Variants in IL1RAPL1 observed in about 807,000 individuals in gnomAD.
IL1RAPL1 encodes interleukin 1 receptor accessory protein like 1, also known as interleukin-1 receptor accessory protein-like 1.
IL1RAPL1 carries 3 observed loss-of-function variants against 48.4 expected under a neutral mutation model. That is an observed-to-expected ratio of 0.06 (90% CI 0.03 to 0.16). IL1RAPL1 has a LOEUF of 0.16. IL1RAPL1 is among the 10% of genes least tolerant of loss of function. The probability of loss-of-function intolerance (pLI) is 1.00; values close to 1 mark genes in which losing one functional copy is unlikely to be tolerated. For synonymous variants in IL1RAPL1, 185 were observed against 187.7 expected (o/e 0.99, Z 0.12); for missense variants, 349 against 530.6 (o/e 0.66, Z 3.36).
At chrX:29,252,173 A>T (rs1317039949) in intron 2 of IL1RAPL1, among the ~76,000 whole-genome samples, 1 of 112,659 alleles carries the variant, frequency 8.9e-6, no homozygotes, top group Non-Finnish European at 1.9e-5. Context: ...CTAGATGACG[A>T]GTTAGTGGGT....
intron 3 of IL1RAPL1, among the ~76,000 whole-genome samples, chrX:29,394,721 A>G (rs1222743140): frequency 8.9e-6 from 1 of 111,734 alleles, no homozygotes; most frequent in African/African-American, 3.3e-5. Context: ...GCCTTATTCT[A>G]GCAAAATTCC....
At chrX:29,128,327 G>A (rs1449240952) in intron 2 of IL1RAPL1, among the ~76,000 whole-genome samples, 1 of 110,752 alleles carries the variant, frequency 9.0e-6, no homozygotes, top group East Asian at 2.8e-4. Context: ...TCCTTTCCCA[G>A]CCTCACTTCT....
At chrX:29,883,968 A>G (rs67997275) in intron 6 of IL1RAPL1, among the ~76,000 whole-genome samples, 9,843 of 111,824 alleles carry the variant, frequency 0.088, 736 homozygotes, top group East Asian at 0.39. Flanking sequence ...AAGATGGCTC[A>G]CAGGGTTGAG....
rs1430746628 is a variant in IL1RAPL1 at position 29,859,566 on chromosome X, A to G, written c.779-57898A>G. On this transcript the variant is annotated intron_variant, in intron 6 of 10. Coordinates refer to ENST00000378993, the MANE Select transcript of IL1RAPL1 (RefSeq NM_014271.4). ...AGAAACTGATGCTGTGATAGCATGA[A>G]TTATTTTCATACACCTTTGTATGTA... is the stretch of plus-strand genomic sequence containing the variant. Among the ~76,000 whole-genome samples the G allele has an allele frequency of 5.9e-4, 66 of 112,241 alleles. No homozygotes were observed. In the Admixed American group the frequency reaches 6.2e-3, roughly 11 times the overall value.
In IL1RAPL1 at chrX:28,710,317, TAAAAA is replaced by T. The variant is rs1031743983; in HGVS notation, c.-24-79002_-24-78998del. 3.9e-5 allele frequency among the ~76,000 whole-genome samples: 3 copies of T among 76,617 alleles called. No homozygotes were observed. In the Admixed American group the frequency reaches 5.3e-4, roughly 14 times the overall value. The allele number at this position is 76,617 out of a possible 115,157, so 66.5% of individuals were successfully genotyped here. On this transcript the variant is annotated intron_variant, in intron 1 of 10. Transcript: ENST00000378993. Reference sequence around the variant, plus strand: ...AGAAGTATATCAGTGCATGAAAAAATAAAAAGAAAAGGAGATCAGGTAAATAGGAT... The same window carrying T: ...AGAAGTATATCAGTGCATGAAAAAATGAAAAGGAGATCAGGTAAATAGGAT...
At chrX:29,054,008 T>G (rs1927156496) in intron 2 of IL1RAPL1, among the ~76,000 whole-genome samples, 1 of 111,639 alleles carries the variant, frequency 9.0e-6, no homozygotes, top group South Asian at 3.8e-4. Flanking sequence ...TAAGGCTGGA[T>G]AGTAGTAGTT....
intron 6 of IL1RAPL1, among the ~76,000 whole-genome samples, chrX:29,787,949 A>G (rs1302080596): frequency 1.8e-5 from 2 of 112,105 alleles, no homozygotes; most frequent in Non-Finnish European, 3.8e-5. Flanking sequence ...CTATTGTCAA[A>G]GCACTGATTT....
At chrX:29,758,851 G>A (rs1928685236) in intron 6 of IL1RAPL1, among the ~76,000 whole-genome samples, 1 of 111,391 alleles carries the variant, frequency 9.0e-6, no homozygotes, top group South Asian at 3.7e-4. Context: ...TTGTTCTGAA[G>A]TAGTTACTGT....
At chrX:29,252,141 G>C (rs1386011079) in intron 2 of IL1RAPL1, among the ~76,000 whole-genome samples, 2 of 112,670 alleles carry the variant, frequency 1.8e-5, no homozygotes, top group African/African-American at 6.6e-5. Context: ...GGGAGGGATA[G>C]CTTTAGGAGA....
chrX:29,060,115 A>G (rs749859149), intron 2 of IL1RAPL1, among the ~76,000 whole-genome samples: 1 of 112,160 alleles, frequency 8.9e-6, no homozygotes, highest in South Asian at 3.7e-4. Flanking sequence ...AAATTAATGT[A>G]ATTATAGACT....
chrX:29,875,243 A>G (rs1931879014), intron 6 of IL1RAPL1, among the ~76,000 whole-genome samples: 1 of 111,693 alleles, frequency 9.0e-6, no homozygotes, highest in South Asian at 3.7e-4. Context: ...TTTCATAATG[A>G]TAACATATTT....
intron 6 of IL1RAPL1, among the ~76,000 whole-genome samples, chrX:29,770,729 G>C (rs915423265): frequency 1.8e-5 from 2 of 112,124 alleles, no homozygotes; most frequent in African/African-American, 6.5e-5. Flanking sequence ...TATCCTACTA[G>C]CAACTTTAAA....
chrX:29,803,252 T>TACACACATGTATATATGTATACATAC (rs1930105383), intron 6 of IL1RAPL1, among the ~76,000 whole-genome samples: 1 of 36,107 alleles, frequency 2.8e-5, no homozygotes, highest in Admixed American at 2.4e-4. Flanking sequence ...TGTATACATA[T>TACACACATGTATATATGTATACATAC]ACACACATGT....
intron 5 of IL1RAPL1, among the ~76,000 whole-genome samples, chrX:29,406,911 G>A (rs1444730023): frequency 9.0e-6 from 1 of 111,728 alleles, no homozygotes; most frequent in Non-Finnish European, 1.9e-5. Flanking sequence ...TTTGTTGGAA[G>A]ATATGTCTGT....
chrX:28,717,549 T>C (rs1379170492), intron 1 of IL1RAPL1, among the ~76,000 whole-genome samples: 1 of 111,077 alleles, frequency 9.0e-6, no homozygotes, highest in Non-Finnish European at 1.9e-5. Flanking sequence ...TAATGGATAC[T>C]AGGCTTAATA....
In IL1RAPL1 at chrX:29,662,600, A is replaced by G. The variant is rs192467889; in HGVS notation, c.704-5830A>G. Among the ~76,000 whole-genome samples the G allele has an allele frequency of 2.7e-5, 3 of 112,317 alleles. No homozygotes were observed. The East Asian group carries it at 8.4e-4, about 31-fold the overall frequency. On this transcript the variant is annotated intron_variant, in intron 5 of 10. Transcript: ENST00000378993. ...ATATTTTTTGAATGAATAAATGAAT[A>G]TTTTTATAGTTTAATTACAAACCAC...
At chrX:28,807,422 A>G (rs1218692918) in intron 2 of IL1RAPL1, among the ~76,000 whole-genome samples, 1 of 111,813 alleles carries the variant, frequency 8.9e-6, no homozygotes, top group Non-Finnish European at 1.9e-5. Context: ...TCTTATGATC[A>G]CCACCTGAGT....
chrX:29,901,462 C>T (rs973633211), intron 6 of IL1RAPL1, among the ~76,000 whole-genome samples: 2 of 111,698 alleles, frequency 1.8e-5, no homozygotes, highest in Non-Finnish European at 3.8e-5. Context: ...TTGAACAGAC[C>T]CCTAGTGGTC....
intron 5 of IL1RAPL1, among the ~76,000 whole-genome samples, chrX:29,453,823 A>G (rs191742810): frequency 5.9e-4 from 66 of 112,295 alleles, no homozygotes; most frequent in Middle Eastern, 4.6e-3. Context: ...AACGTGCACT[A>G]TCTCCCATAT....
Sources: gnomAD v4.1 joint callset for allele counts (sites outside exome capture counted in the v4.1 genomes callset) on GRCh38, gnomAD v4.1.1 for gene constraint, MANE v1.5 for transcripts, NCBI Gene and HGNC (gene_info 2026-07-23, HGNC 2026-07-21) for gene names.